Variants in SLC4A8 observed in about 807,000 individuals in gnomAD.
SLC4A8 encodes solute carrier family 4 member 8, also known as electroneutral sodium bicarbonate exchanger 1.
Under a neutral mutation model 125.0 loss-of-function variants are expected in SLC4A8, and 40 were observed. That is an observed-to-expected ratio of 0.32 (90% CI 0.25 to 0.42). SLC4A8 has a LOEUF of 0.42. Among genes scored for constraint, SLC4A8 ranks in the 10% least tolerant of loss-of-function variants. The pLI, the probability that SLC4A8 is intolerant of heterozygous loss-of-function variation, is 1.00. For synonymous variants in SLC4A8, 456 were observed against 476.0 expected (o/e 0.96, Z 0.55); for missense variants, 863 against 1,355.1 (o/e 0.64, Z 5.70).
At chr12:51,422,177 C>T (rs923845518), upstream of SLC4A8, 8 of 152,162 alleles carry the variant, frequency 5.3e-5, no homozygotes, top group African/African-American at 1.7e-4. Flanking sequence ...CAGTTTTTTA[C>T]CTGTGAAATA....
intron 20 of SLC4A8, chr12:51,494,304 A>G (rs533950891): frequency 6.5e-6 from 1 of 153,144 alleles, no homozygotes; most frequent in Non-Finnish European, 1.5e-5. Context: ...TCTTTCAAAA[A>G]GAAAAATCAG....
intron 16 of SLC4A8, among the ~76,000 whole-genome samples, chr12:51,483,354 C>CA (rs370326518): frequency 0.48 from 66,125 of 138,040 alleles, 14,806 homozygotes; most frequent in Middle Eastern, 0.55. Context: ...TTCTCACACA[C>CA]AAAAAAAAAA....
chr12:51,462,119 T>C, intron 9 of SLC4A8, 191 bp from the exon 10 acceptor site: 1 of 589,862 alleles, frequency 1.7e-6, no homozygotes, highest in Non-Finnish European at 3.0e-6. Flanking sequence ...TTTTAATGCA[T>C]CTCATTTCCA....
At chr12:51,475,676 C>T (rs2138331953) in intron 16 of SLC4A8, among the ~76,000 whole-genome samples, 1 of 152,282 alleles carries the variant, frequency 6.6e-6, no homozygotes, top group South Asian at 2.1e-4. Context: ...CCAGCATGCT[C>T]CTGACTTAGT....
chr12:51,415,880 TA>T (rs1331452626), intron 1 of SLC4A8, among the ~76,000 whole-genome samples: 1 of 149,288 alleles, frequency 6.7e-6, no homozygotes, highest in Admixed American at 6.8e-5. Context: ...TATAACCACA[TA>T]AAAAATATGC....
chr12:51,465,852 A>G (rs183560421), intron 11 of SLC4A8, among the ~76,000 whole-genome samples: 2 of 152,336 alleles, frequency 1.3e-5, no homozygotes, highest in Non-Finnish European at 2.9e-5. Flanking sequence ...TGGGAGGTAA[A>G]TGTGAGTCTT....
Position 51,469,728 on chromosome 12 carries a change from C to T in SLC4A8, c.1464C>T (p.Ala488=). ...CTTCCTTTCTGTTCCTGTACTGTGCCTGCATGTCACCTGTCATCACCTTTG... is the reference window on the plus strand; with the variant it reads ...CTTCCTTTCTGTTCCTGTACTGTGCTTGCATGTCACCTGTCATCACCTTTG... ...CLASFLFLYC[A]CMSPVITFGG... Residue 488 remains alanine, a synonymous_variant, in exon 12 of 25, where the codon GCC becomes GCT. Transcript: ENST00000453097. 2 of 1,614,074 alleles carry T rather than the reference C, an allele frequency of 1.2e-6. No individual in the cohort carries two copies. Among genetic ancestry groups the T allele is most frequent in the Non-Finnish European group, 1.7e-6 (2 of 1,180,022 alleles).
At chr12:51,396,627 G>T (rs1424152181) in intron 1 of SLC4A8, among the ~76,000 whole-genome samples, 1 of 151,228 alleles carries the variant, frequency 6.6e-6, no homozygotes, top group Non-Finnish European at 1.5e-5. Context: ...AGGATCACTT[G>T]AGCGCAGGAG....
At chr12:51,414,798 T>C (rs1440227959) in intron 1 of SLC4A8, among the ~76,000 whole-genome samples, 1 of 152,250 alleles carries the variant, frequency 6.6e-6, no homozygotes, top group Non-Finnish European at 1.5e-5. Flanking sequence ...GGTGTGGATT[T>C]ATTACATGTG....
chr12:51,459,633 G>T (rs1452097418), intron 7 of SLC4A8, among the ~76,000 whole-genome samples: 1 of 152,180 alleles, frequency 6.6e-6, no homozygotes, highest in Non-Finnish European at 1.5e-5. Flanking sequence ...ACTTTTGGAG[G>T]CTGAGGCGGG....
chr12:51,450,922 G>C lies in SLC4A8; in HGVS notation c.177G>C (p.Gln59His). Reference protein sequence around the residue: ...YVGVRMPLGRQSHRHHRTHGQ... With the variant: ...YVGVRMPLGRHSHRHHRTHGQ... ...GAGTTCGGATGCCGCTTGGCCGGCA[G>C]AGCCATCGGCATCACCGCACTCATG... is the stretch of plus-strand genomic sequence containing the variant. Residue 59 changes from glutamine to histidine, a missense_variant, in exon 3 of 25, where the codon CAG becomes CAC. Gln to His is a conservative substitution (Grantham distance 24). Coordinates refer to ENST00000453097, the MANE Select transcript of SLC4A8 (RefSeq NM_001039960.3). The C allele has an allele frequency of 6.2e-7, 1 of 1,611,892 alleles. No individual in the cohort carries two copies. Among genetic ancestry groups the C allele is most frequent in the East Asian group, 2.2e-5 (1 of 44,856 alleles).
At chr12:51,401,035 C>G (rs1948381457) in intron 1 of SLC4A8, among the ~76,000 whole-genome samples, 1 of 151,572 alleles carries the variant, frequency 6.6e-6, no homozygotes, top group Non-Finnish European at 1.5e-5. Flanking sequence ...GCTGAAATCT[C>G]TATGGAACAT....
intron 5 of SLC4A8, among the ~76,000 whole-genome samples, chr12:51,456,053 T>G (rs966214392): frequency 2.0e-5 from 3 of 152,140 alleles, no homozygotes; most frequent in African/African-American, 7.2e-5. Context: ...GGCAGCAATA[T>G]GGAGGGTGAG....
At chr12:51,442,476 C>T (rs7964326) in intron 2 of SLC4A8, among the ~76,000 whole-genome samples, 82,063 of 152,048 alleles carry the variant, frequency 0.54, 22,283 homozygotes, top group African/African-American at 0.58. Context: ...TGAATCTTAA[C>T]AACTGGTTCC....
In SLC4A8 at chr12:51,514,797, T is replaced by C. The variant is rs149013696; in HGVS notation, c.*7359T>C. ...TCATCAGAAAGGAGGGTAATATTCA[T>C]AACCAAAAGAGATGTAAAGGAAGTA... On this transcript the variant is annotated 3_prime_UTR_variant, in exon 25 of 25. Coordinates refer to ENST00000453097, the MANE Select transcript of SLC4A8 (RefSeq NM_001039960.3). 1 of 152,270 alleles carries C rather than the reference T, an allele frequency of 6.6e-6. No individual in the cohort carries two copies. Among genetic ancestry groups the C allele is most frequent in the Non-Finnish European group, 1.5e-5 (1 of 68,022 alleles). 9.4% of individuals were successfully genotyped at this position (152,270 alleles called of 1,614,324 possible).
At chr12:51,496,920 C>A in intron 21 of SLC4A8, 67 bp from the exon 22 acceptor site, 1 of 1,522,220 alleles carries the variant, frequency 6.6e-7, no homozygotes, top group Non-Finnish European at 9.0e-7. Flanking sequence ...GAAAATAAGG[C>A]TTTGCTTTTA....
chr12:51,475,101 C>T lies in SLC4A8; in HGVS notation c.2067C>T (p.Pro689=), dbSNP rs150973025. Residue 689 remains proline (P), a synonymous_variant, in exon 16 of 25, where the codon CCC becomes CCT. Coordinates refer to ENST00000453097, the MANE Select transcript of SLC4A8 (RefSeq NM_001039960.3). ...GATCTGCGTGCGGCCATCATGGACC[C>T]TACACTCCTGATGTCCTCTTTTGGT... is the stretch of plus-strand genomic sequence containing the variant. ...FMGSACGHHG[P]YTPDVLFWSC... is the part of the protein sequence containing the mutation. The T allele has an allele frequency of 1.4e-5, 22 of 1,613,746 alleles. No homozygotes were observed. The highest frequency in any genetic ancestry group is 1.8e-5 in the Non-Finnish European group (21 of 1,179,706).
intron 16 of SLC4A8, among the ~76,000 whole-genome samples, chr12:51,476,876 A>T (rs1950869557): frequency 6.6e-6 from 1 of 150,538 alleles, no homozygotes; most frequent in Non-Finnish European, 1.5e-5. Context: ...CATGTATAAT[A>T]CAGCATTTTC....
chr12:51,480,607 AT>A (rs1319464913), intron 16 of SLC4A8: 1 of 985,348 alleles, frequency 1.0e-6, no homozygotes, highest in Non-Finnish European at 1.2e-6. Context: ...TTTGGAAAAC[AT>A]AATGTGTCAA....
Sources: gnomAD v4.1 joint callset for allele counts (sites outside exome capture counted in the v4.1 genomes callset) on GRCh38, gnomAD v4.1.1 for gene constraint, MANE v1.5 for transcripts, NCBI Gene and HGNC (gene_info 2026-07-23, HGNC 2026-07-21) for gene names.